PCDH15: variants seen among roughly 807,000 people sequenced by gnomAD.
PCDH15 encodes the protein protocadherin related 15.
PCDH15 carries 129 observed loss-of-function variants against 178.5 expected under a neutral mutation model. The observed-to-expected ratio is 0.72, with a 90% confidence interval of 0.63 to 0.84. PCDH15 has a LOEUF of 0.84. PCDH15 is among the 40% of genes least tolerant of loss of function. The pLI is 0.00. For missense variants in PCDH15, 2,230 were observed against 2,099.9 expected (o/e 1.06, Z -1.21); for synonymous variants, 800 against 732.0 (o/e 1.09, Z -1.50).
chr10:53,911,544 A>C (rs2083087801), intron 25 of PCDH15, among the ~76,000 whole-genome samples: 1 of 152,234 alleles, frequency 6.6e-6, no homozygotes, highest in Non-Finnish European at 1.5e-5. Context: ...ATCACAATTA[A>C]AAACTAGAGA....
At chr10:54,214,726 G>T (rs901345002) in intron 9 of PCDH15, among the ~76,000 whole-genome samples, 1 of 152,096 alleles carries the variant, frequency 6.6e-6, no homozygotes, top group Non-Finnish European at 1.5e-5. Context: ...AAATAGCTGG[G>T]ATTATAGGCG....
chr10:53,911,378 G>A (rs972780744), intron 25 of PCDH15, among the ~76,000 whole-genome samples: 2 of 152,168 alleles, frequency 1.3e-5, no homozygotes, highest in Non-Finnish European at 2.9e-5. Context: ...ATAACAAAAT[G>A]AAGGCAGAAA....
At chr10:54,818,549 C>T (rs184583235) in intron 3 of PCDH15, among the ~76,000 whole-genome samples, 1 of 152,160 alleles carries the variant, frequency 6.6e-6, no homozygotes, top group Admixed American at 6.6e-5. Flanking sequence ...TCTTGAAATG[C>T]TCACTTAGAA....
intron 2 of PCDH15, among the ~76,000 whole-genome samples, chr10:55,472,027 A>G (rs971252884): frequency 1.3e-5 from 2 of 152,198 alleles, no homozygotes; most frequent in Non-Finnish European, 2.9e-5. Context: ...GAAGCAGGCT[A>G]CAATAGGGTT....
intron 26 of PCDH15, among the ~76,000 whole-genome samples, chr10:53,899,142 C>G (rs375083443): frequency 9.3e-5 from 13 of 139,756 alleles, no homozygotes; most frequent in South Asian, 4.8e-4. Flanking sequence ...TACTTTTTTT[C>G]GGGGGGGGGT....
chr10:55,422,855 C>A (rs1565123315), intron 2 of PCDH15, among the ~76,000 whole-genome samples: 2 of 151,684 alleles, frequency 1.3e-5, no homozygotes, highest in East Asian at 3.9e-4. Flanking sequence ...AGAAAGAATG[C>A]CAAAGGAAAT....
chr10:54,442,690 A>G (rs1349683390), intron 3 of PCDH15, among the ~76,000 whole-genome samples: 2 of 150,942 alleles, frequency 1.3e-5, no homozygotes, highest in Non-Finnish European at 1.5e-5. Flanking sequence ...AAAAATGATT[A>G]AAATGCACAG....
At chr10:55,333,717 G>A (rs1844276163) in intron 2 of PCDH15, among the ~76,000 whole-genome samples, 1 of 151,952 alleles carries the variant, frequency 6.6e-6, no homozygotes, top group South Asian at 2.1e-4. Flanking sequence ...TTGAAGTGTT[G>A]GGGGTATGGA....
chr10:55,362,247 A>C (rs554971998), intron 2 of PCDH15, among the ~76,000 whole-genome samples: 1 of 152,250 alleles, frequency 6.6e-6, no homozygotes, highest in African/African-American at 2.4e-5. Flanking sequence ...AAGCCTAAAA[A>C]ACTACTCGTG....
chr10:54,240,899 G>A (rs7101210), intron 8 of PCDH15, among the ~76,000 whole-genome samples: 113,036 of 151,552 alleles, frequency 0.75, 43,333 homozygotes, highest in African/African-American at 0.84. Flanking sequence ...CCAAAGTGCT[G>A]GGATTACAGG....
intron 2 of PCDH15, among the ~76,000 whole-genome samples, chr10:55,333,827 A>G (rs770806489): frequency 2.0e-5 from 3 of 151,854 alleles, no homozygotes; most frequent in Non-Finnish European, 4.4e-5. Flanking sequence ...GAAAACATAA[A>G]AGGAAACTTG....
rs538400947 is a variant in PCDH15 at position 54,510,192 on chromosome 10, T to C, written c.157+17620A>G. 4.9e-4 allele frequency among the ~76,000 whole-genome samples: 75 copies of C among 152,214 alleles called. 1 individual carries two copies. The highest frequency in any genetic ancestry group is 5.9e-4 in the Non-Finnish European group (40 of 68,030). ...TATTCACTTTTCCTGATTGTCTTTA[T>C]GCAGAGCCCTAAAGAAGTTAGTGGT... On this transcript the variant is annotated intron_variant, in intron 3 of 37. Coordinates refer to ENST00000644397, the MANE Select transcript of PCDH15 (RefSeq NM_001384140.1).
chr10:53,827,455 G>C lies in PCDH15; in HGVS notation c.4305C>G (p.Pro1435=), dbSNP rs2076757559. ...AVPAPAPVAA[P]PPPPPPPPGA... ...CTGGCGGAGGCGGCGGCGGCGGCGG[G>C]GGCGCTGCCACTGGTGCAGGAGCCG... The change falls in exon 32 of 38, where the codon CCC becomes CCG. Residue 1435 remains proline, a synonymous_variant. Coordinates refer to ENST00000644397, the MANE Select transcript of PCDH15 (RefSeq NM_001384140.1). The C allele has an allele frequency of 5.0e-6, 8 of 1,612,352 alleles. No homozygotes were observed. The highest frequency in any genetic ancestry group is 2.2e-5 in the East Asian group (1 of 44,730).
At chr10:55,216,043 G>C (rs1010588503) in intron 1 of PCDH15, among the ~76,000 whole-genome samples, 1 of 151,366 alleles carries the variant, frequency 6.6e-6, no homozygotes, top group African/African-American at 2.4e-5. Context: ...TATTATCTAG[G>C]GCAAATTAAT....
intron 2 of PCDH15, among the ~76,000 whole-genome samples, chr10:55,409,334 C>A (rs1838278629): frequency 6.6e-6 from 1 of 152,166 alleles, no homozygotes; most frequent in Admixed American, 6.5e-5. Context: ...TCAGCCCCAG[C>A]ACCCTGGCAT....
At chr10:55,208,451 C>A (rs956126854) in intron 1 of PCDH15, among the ~76,000 whole-genome samples, 3 of 152,022 alleles carry the variant, frequency 2.0e-5, no homozygotes, top group African/African-American at 7.3e-5. Context: ...CCTCCCCCCA[C>A]ATACTCTAAA....
chr10:54,912,378 C>T (rs972983315), intron 2 of PCDH15, among the ~76,000 whole-genome samples: 1 of 152,010 alleles, frequency 6.6e-6, no homozygotes, highest in Non-Finnish European at 1.5e-5. Flanking sequence ...TTTGCCCTTG[C>T]TGTTCTCATG....
At chr10:54,765,281 TAG>T (rs1212357905) in intron 1 of PCDH15, among the ~76,000 whole-genome samples, 2 of 152,096 alleles carry the variant, frequency 1.3e-5, no homozygotes. Flanking sequence ...TAGCAAAAAA[TAG>T]AATGTATCAA....
intron 6 of PCDH15, among the ~76,000 whole-genome samples, chr10:54,343,175 G>C (rs919138152): frequency 6.6e-6 from 1 of 152,124 alleles, no homozygotes; most frequent in Non-Finnish European, 1.5e-5. Flanking sequence ...GTTTGTCTCT[G>C]TGTCCCGACT....
Sources: allele counts gnomAD v4.1 joint callset (sites outside exome capture counted in the v4.1 genomes callset), GRCh38; gene constraint gnomAD v4.1.1; transcripts MANE v1.5; gene names NCBI Gene and HGNC (gene_info 2026-07-23, HGNC 2026-07-21).